The following RHEX variants were observed in gnomAD, a reference collection of about 807,000 sequenced individuals.
The protein encoded by RHEX is regulator of hemoglobinization and erythroid cell expansion.
RHEX carries 18 observed loss-of-function variants against 20.1 expected under a neutral mutation model. The observed-to-expected ratio is 0.90, with a 90% CI of 0.62 to 1.33. The LOEUF is 1.33. Ranked by LOEUF, RHEX falls within the 40% of genes most tolerant of loss-of-function variation. RHEX has a pLI of 0.00. For missense variants in RHEX, 192 were observed against 214.3 expected, an observed-to-expected ratio of 0.90 and a Z score of 0.65; for synonymous variants, 87 against 77.1, an observed-to-expected ratio of 1.13 and a Z score of -0.67.
At chr1:206,093,898 C>G (rs983891898) in intron 1 of RHEX, among the ~76,000 whole-genome samples, 1 of 152,082 alleles carries the variant, frequency 6.6e-6, no homozygotes, top group Non-Finnish European at 1.5e-5. Flanking sequence ...AGGCTCTTCT[C>G]AAACTCCTGG....
At chr1:206,097,119 T>C (rs1165152992) in intron 1 of RHEX, among the ~76,000 whole-genome samples, 4 of 152,142 alleles carry the variant, frequency 2.6e-5, no homozygotes, top group Non-Finnish European at 4.4e-5. Flanking sequence ...TTGCTGATCA[T>C]TGGGCAATAT....
At position 206,099,717 on chromosome 1, in the gene RHEX, C is replaced by G; in HGVS notation, c.175C>G (p.His59Asp). 2.5e-6 allele frequency: 4 copies of G among 1,613,888 alleles called. No homozygotes were observed. The highest frequency in any genetic ancestry group is 3.4e-6 in the Non-Finnish European group (4 of 1,179,760). The change falls in exon 4 of 6, where the codon CAC (histidine) becomes GAC (aspartate). Residue 59 changes from histidine to aspartate, a missense_variant. Transcript: ENST00000331555. ...CCAGGTTCCCAGGCCCAGCCCTGGC[C>G]ACCATCATCCACCTGCTGTCAAAGA... ...SLQVPRPSPG[H>D]HHPPAVKEMK...
At position 206,097,937 on chromosome 1, in the gene RHEX, C is replaced by G. The variant is rs2102329747; in HGVS notation, c.11+98C>G. On this transcript the variant is annotated intron_variant, in intron 2 of 5. Coordinates refer to ENST00000331555, the MANE Select transcript of RHEX (RefSeq NM_001007544.4). Reference sequence around the variant, plus strand: ...ATAGCACCCTTCCTGGCTGCCCCAGCCTTATTGTCCAGAGAGGCAAAGGGA... The same window carrying G: ...ATAGCACCCTTCCTGGCTGCCCCAGGCTTATTGTCCAGAGAGGCAAAGGGA... 11 of 1,201,606 alleles carry G rather than the reference C, an allele frequency of 9.2e-6. No homozygotes were observed. The South Asian group carries it at 1.2e-4, about 13-fold the overall frequency. The allele number at this position is 1,201,606 out of a possible 1,614,324, so 74.4% of individuals were successfully genotyped here. A position where few individuals can be genotyped will look rare whatever the true frequency, so the allele number is the denominator to read the frequency against.
At chr1:206,088,251 G>T (rs1247969145) in intron 1 of RHEX, among the ~76,000 whole-genome samples, 2 of 151,944 alleles carry the variant, frequency 1.3e-5, no homozygotes, top group African/African-American at 4.8e-5. Flanking sequence ...CCCAATACCT[G>T]GTTTTGTTAA....
intron 1 of RHEX, among the ~76,000 whole-genome samples, chr1:206,095,174 A>G (rs1256166705): frequency 6.6e-6 from 1 of 152,158 alleles, no homozygotes; most frequent in Non-Finnish European, 1.5e-5. Context: ...TGATACCGTA[A>G]AACTCAAAGG....
chr1:206,077,464 G>C (rs1350221945), intron 1 of RHEX, among the ~76,000 whole-genome samples: 1 of 152,140 alleles, frequency 6.6e-6, no homozygotes, highest in Non-Finnish European at 1.5e-5. Flanking sequence ...ATACTGCAGA[G>C]TAAGTGCCTA....
chr1:206,090,275 C>T (rs918981338), intron 1 of RHEX, among the ~76,000 whole-genome samples: 15 of 145,670 alleles, frequency 1.0e-4, no homozygotes, highest in South Asian at 2.2e-4. Flanking sequence ...GGCACAATCT[C>T]GGCTCACTGC....
chr1:206,053,578 C>G (rs1299697841), intron 1 of RHEX, among the ~76,000 whole-genome samples: 3 of 151,978 alleles, frequency 2.0e-5, no homozygotes, highest in East Asian at 1.9e-4. Context: ...TAAGCCCACC[C>G]CACTAGGAAC....
intron 1 of RHEX, chr1:206,083,713 A>G: frequency 1.2e-6 from 1 of 862,358 alleles, no homozygotes; most frequent in Non-Finnish European, 1.4e-6. Context: ...GTTTGCGAGC[A>G]TATATGTGTA....
chr1:206,076,474 T>C (rs1364530878), intron 1 of RHEX, among the ~76,000 whole-genome samples: 2 of 152,224 alleles, frequency 1.3e-5, no homozygotes, highest in African/African-American at 4.8e-5. Flanking sequence ...CCCAGGGACA[T>C]CTTTTATGCT....
chr1:206,062,993 C>T (rs897866763), intron 1 of RHEX, among the ~76,000 whole-genome samples: 10 of 152,202 alleles, frequency 6.6e-5, no homozygotes, highest in African/African-American at 2.4e-4. Context: ...GTGGGATGTG[C>T]TACGGGGAAA....
At chr1:206,097,205 C>T (rs79800876) in intron 1 of RHEX, among the ~76,000 whole-genome samples, 4,863 of 152,236 alleles carry the variant, frequency 0.032, 250 homozygotes, top group African/African-American at 0.11. Context: ...TTTTCTCGCT[C>T]GCTGTCTGGG....
chr1:206,102,017 G>A lies in RHEX; in HGVS notation c.*65G>A. ...TCTTACATTTAATTTGTAGGGAAATGCCATTTTTCCCCCTTAAACAAGGCA... is the reference window on the plus strand; with the variant it reads ...TCTTACATTTAATTTGTAGGGAAATACCATTTTTCCCCCTTAAACAAGGCA... On this transcript the variant is annotated 3_prime_UTR_variant, in exon 6 of 6. Transcript: ENST00000331555. 1 of 1,324,926 alleles carries A rather than the reference G, an allele frequency of 7.5e-7. No homozygotes were observed. The highest frequency in any genetic ancestry group is 1.1e-6 in the Non-Finnish European group (1 of 924,404). The allele number at this position is 1,324,926 out of a possible 1,614,324, so 82.1% of individuals were successfully genotyped here.
intron 1 of RHEX, among the ~76,000 whole-genome samples, chr1:206,097,214 G>A (rs1663090555): frequency 6.6e-6 from 1 of 152,138 alleles, no homozygotes; most frequent in Non-Finnish European, 1.5e-5. Flanking sequence ...TCGCTGTCTG[G>A]GTCAGTCCCC....
intron 1 of RHEX, among the ~76,000 whole-genome samples, chr1:206,056,874 T>C (rs1232739395): frequency 6.6e-6 from 1 of 152,256 alleles, no homozygotes; most frequent in Admixed American, 6.5e-5. Flanking sequence ...ATACTGGTCT[T>C]GCGTTATTTC....
At chr1:206,068,919 C>T (rs576025188) in intron 1 of RHEX, among the ~76,000 whole-genome samples, 1 of 152,372 alleles carries the variant, frequency 6.6e-6, no homozygotes, top group East Asian at 1.9e-4. Context: ...CTGGGCAACA[C>T]TGTCCCACAG....
rs1212622253 is a variant in RHEX at position 206,096,781 on chromosome 1, G to GTTTTTTTTTTT, written c.-96-951_-96-941dup. ...AAGTCCCCTGTTTTTTTTTTTTTTG[G>GTTTTTTTTTTT]TTTTTTTTTTTGAGACAGGGTCTTG... On this transcript the variant is annotated intron_variant, in intron 1 of 5. Transcript: ENST00000331555. Among the ~76,000 whole-genome samples, 4 of 132,926 alleles carry GTTTTTTTTTTT rather than the reference G, an allele frequency of 3.0e-5. 1 individual carries two copies. The highest frequency in any genetic ancestry group is 6.3e-5 in the Non-Finnish European group (4 of 63,536). 87.2% of individuals were successfully genotyped at this position (132,926 alleles called of 152,430 possible). A position where few individuals can be genotyped will look rare whatever the true frequency, so the allele number is the denominator to read the frequency against.
chr1:206,057,068 A>G (rs1455818932), intron 1 of RHEX, among the ~76,000 whole-genome samples: 2 of 152,264 alleles, frequency 1.3e-5, no homozygotes, highest in Non-Finnish European at 2.9e-5. Flanking sequence ...ATCCTAGTGT[A>G]AGCATCCTAA....
intron 1 of RHEX, among the ~76,000 whole-genome samples, chr1:206,096,765 G>GT (rs60225298): frequency 0.1 from 12,798 of 122,508 alleles, 395 homozygotes; most frequent in East Asian, 0.19. Flanking sequence ...CAAGTCCCCT[G>GT]TTTTTTTTTT....
Sources: allele counts gnomAD v4.1 joint callset (sites outside exome capture counted in the v4.1 genomes callset), GRCh38; gene constraint gnomAD v4.1.1; transcripts MANE v1.5; gene names NCBI Gene and HGNC (gene_info 2026-07-23, HGNC 2026-07-21).